SUGCT: variants seen among roughly 807,000 people sequenced by gnomAD.
SUGCT encodes the protein succinyl-CoA:glutarate-CoA transferase.
Under a neutral mutation model 55.0 loss-of-function variants are expected in SUGCT, and 41 were observed. The observed-to-expected ratio is 0.74, with a 90% CI of 0.58 to 0.97. SUGCT has a LOEUF of 0.97. Ranked by LOEUF, SUGCT falls within the 50% of genes least tolerant of loss-of-function variation. The probability of loss-of-function intolerance (pLI) is 0.00; values close to 1 mark genes in which losing one functional copy is unlikely to be tolerated. For missense variants in SUGCT, 568 were observed against 547.8 expected (o/e 1.04, Z -0.37); for synonymous variants, 187 against 200.4 (o/e 0.93, Z 0.56).
chr7:40,794,490 A>G (rs1024401872), intron 13 of SUGCT, among the ~76,000 whole-genome samples: 19 of 152,142 alleles, frequency 1.2e-4, no homozygotes, highest in Non-Finnish European at 2.1e-4. Flanking sequence ...ACATTTTGGG[A>G]AGCCCAGCTT....
intron 12 of SUGCT, among the ~76,000 whole-genome samples, chr7:40,641,028 C>A (rs1006785344): frequency 6.6e-6 from 1 of 152,152 alleles, no homozygotes; most frequent in Non-Finnish European, 1.5e-5. Flanking sequence ...AGCCTTTTAT[C>A]CCTGTTTACA....
At chr7:40,998,383 C>T in the SUGCT span, among the ~76,000 whole-genome samples, 1 of 151,456 alleles carries the variant, frequency 6.6e-6, no homozygotes, top group Non-Finnish European at 1.5e-5. Flanking sequence ...AAAAAAGGAG[C>T]TAGGTGTGTT....
At chr7:41,025,755 A>G in the SUGCT span, among the ~76,000 whole-genome samples, 1 of 152,206 alleles carries the variant, frequency 6.6e-6, no homozygotes, top group Non-Finnish European at 1.5e-5. Flanking sequence ...AAAAAATGTT[A>G]AATTCTGTAG....
rs559429214 is a variant in SUGCT, at chr7:40,367,305, T to C, written c.816+50450T>C. On this transcript the variant is annotated intron_variant, in intron 9 of 13. Transcript: ENST00000335693. ...GGGGGAGGAATAGCATTAGGAGATATACCTAATGCTAAATGACGAGTTAAT... is the reference window on the plus strand; with the variant it reads ...GGGGGAGGAATAGCATTAGGAGATACACCTAATGCTAAATGACGAGTTAAT... Among the ~76,000 whole-genome samples, 4 of 151,010 alleles carry C rather than the reference T, an allele frequency of 2.6e-5. No homozygotes were observed. The East Asian group carries it at 5.9e-4, about 22-fold the overall frequency.
At chr7:40,978,934 A>T in the SUGCT span, among the ~76,000 whole-genome samples, 1 of 152,190 alleles carries the variant, frequency 6.6e-6, no homozygotes, top group Non-Finnish European at 1.5e-5. Context: ...TAATGACATG[A>T]TTGGGTTTAG....
intron 6 of SUGCT, among the ~76,000 whole-genome samples, chr7:40,206,714 A>C (rs888359470): frequency 6.6e-6 from 1 of 152,178 alleles, no homozygotes; most frequent in African/African-American, 2.4e-5. Flanking sequence ...ATTACTTGTA[A>C]TACCTAATAT....
At chr7:40,278,305 G>A (rs896116453) in intron 8 of SUGCT, among the ~76,000 whole-genome samples, 2 of 152,088 alleles carry the variant, frequency 1.3e-5, no homozygotes. Flanking sequence ...TGGAGAAATA[G>A]GAACACTTTT....
rs1338605114 is a variant in SUGCT at position 40,284,586 on chromosome 7, T to G, written c.720+9930T>G. On this transcript the variant is annotated intron_variant, in intron 8 of 13. Transcript: ENST00000335693. ...TTGCACCACTGCACTCCAGCCTGGA[T>G]GACAGAGCAAGATTCCATTTCCAAA... is the stretch of plus-strand genomic sequence containing the variant. Among the ~76,000 whole-genome samples, 7 of 135,440 alleles carry G rather than the reference T, an allele frequency of 5.2e-5. No individual in the cohort carries two copies. In the Admixed American group the frequency reaches 5.7e-4, roughly 11 times the overall value. The allele number at this position is 135,440 out of a possible 152,430, so 88.9% of individuals were successfully genotyped here.
chr7:40,178,772 A>G (rs1302875239), intron 1 of SUGCT, among the ~76,000 whole-genome samples: 1 of 152,016 alleles, frequency 6.6e-6, no homozygotes, highest in African/African-American at 2.4e-5. Context: ...GGACCTTCCA[A>G]TCTGGAAATT....
chr7:40,415,658 TTACTC>T (rs1456621507), intron 9 of SUGCT, among the ~76,000 whole-genome samples: 1 of 152,094 alleles, frequency 6.6e-6, no homozygotes. Context: ...ATTTGTGTCT[TTACTC>T]CACTCATATG....
intron 1 of SUGCT, among the ~76,000 whole-genome samples, chr7:40,159,528 G>A (rs1257339376): frequency 6.6e-6 from 1 of 151,970 alleles, no homozygotes; most frequent in Admixed American, 6.6e-5. Context: ...GCACCACCAC[G>A]CCTGGCTAAT....
At chr7:40,409,748 C>A (rs898266745) in intron 9 of SUGCT, among the ~76,000 whole-genome samples, 1 of 150,950 alleles carries the variant, frequency 6.6e-6, no homozygotes, top group African/African-American at 2.4e-5. Context: ...GTTGCCCAGG[C>A]TGGAGTGCAG....
intron 9 of SUGCT, among the ~76,000 whole-genome samples, chr7:40,403,738 A>G (rs1283427355): frequency 6.6e-6 from 1 of 152,140 alleles, no homozygotes; most frequent in Non-Finnish European, 1.5e-5. Flanking sequence ...TGTCTACTCA[A>G]TTTCTTCATA....
At chr7:40,848,217 CTTT>C (rs1162685551) in intron 13 of SUGCT, among the ~76,000 whole-genome samples, 2 of 151,958 alleles carry the variant, frequency 1.3e-5, no homozygotes, top group African/African-American at 4.8e-5. Flanking sequence ...TCCTTTACTT[CTTT>C]TTCTCTTCAA....
intron 8 of SUGCT, among the ~76,000 whole-genome samples, chr7:40,279,575 T>A (rs897788846): frequency 3.8e-4 from 58 of 152,322 alleles, no homozygotes; most frequent in African/African-American, 1.3e-3. Context: ...ATGACAACAT[T>A]AATTTTATTA....
At chr7:40,982,612 C>T in the SUGCT span, among the ~76,000 whole-genome samples, 1 of 152,038 alleles carries the variant, frequency 6.6e-6, no homozygotes, top group Non-Finnish European at 1.5e-5. Context: ...TTTTTAGGTT[C>T]TATAGGTTCT....
At chr7:40,598,420 C>A (rs930374996) in intron 12 of SUGCT, among the ~76,000 whole-genome samples, 23 of 152,306 alleles carry the variant, frequency 1.5e-4, no homozygotes, top group African/African-American at 5.3e-4. Context: ...TCATGTATAT[C>A]AGCATGCCAG....
chr7:40,985,467 A>T, the SUGCT span, among the ~76,000 whole-genome samples: 1 of 152,202 alleles, frequency 6.6e-6, no homozygotes, highest in South Asian at 2.1e-4. Flanking sequence ...GAAGGGAACC[A>T]CTAGGTGTTG....
chr7:40,855,353 C>A (rs953288460), intron 13 of SUGCT, among the ~76,000 whole-genome samples: 12 of 151,388 alleles, frequency 7.9e-5, no homozygotes, highest in African/African-American at 2.7e-4. Context: ...TTCTTGTCTG[C>A]TTTATGAGAA....
Sources: allele counts gnomAD v4.1 joint callset (sites outside exome capture counted in the v4.1 genomes callset), GRCh38; gene constraint gnomAD v4.1.1; transcripts MANE v1.5; gene names NCBI Gene and HGNC (gene_info 2026-07-23, HGNC 2026-07-21).